UGT1A9: variants seen among roughly 807,000 people sequenced by gnomAD.
UGT1A9 encodes the protein UDP-glucuronosyltransferase 1A9.
UGT1A9 carries 35 observed loss-of-function variants against 45.0 expected under a neutral mutation model. The observed-to-expected ratio is 0.78, with a 90% CI of 0.59 to 1.03. The LOEUF (loss-of-function observed/expected upper bound fraction) is 1.03. Among genes scored for constraint, UGT1A9 ranks in the 50% least tolerant of loss-of-function variants. UGT1A9 has a pLI of 0.00. For synonymous variants in UGT1A9, 278 were observed against 250.6 expected, an observed-to-expected ratio of 1.11 and a Z score of -1.03; for missense variants, 687 against 666.6, an observed-to-expected ratio of 1.03 and a Z score of -0.34.
rs200971960 is a variant in UGT1A9 at position 233,672,198 on chromosome 2, G to A, written c.264G>A (p.Arg88=). 5.0e-6 allele frequency: 8 copies of A among 1,614,126 alleles called. No individual in the cohort carries two copies. Among genetic ancestry groups the A allele is most frequent in the Non-Finnish European group, 6.8e-6 (8 of 1,179,994 alleles). ...CATATACCCTGGAGGATCTGGACCGGGAGTTCAAGGCTTTTGCCCATGCTC... is the reference window on the plus strand; with the variant it reads ...CATATACCCTGGAGGATCTGGACCGAGAGTTCAAGGCTTTTGCCCATGCTC... ...STSYTLEDLD[R]EFKAFAHAQW... The change falls in exon 1 of 5, where the codon CGG becomes CGA. Residue 88 remains arginine (R), a synonymous_variant. Coordinates refer to ENST00000354728, the MANE Select transcript of UGT1A9 (RefSeq NM_021027.3).
At chr2:233,695,523 CT>C (rs563990924) in intron 1 of UGT1A9, among the ~76,000 whole-genome samples, 59 of 151,370 alleles carry the variant, frequency 3.9e-4, no homozygotes, top group African/African-American at 1.4e-3. Flanking sequence ...AATTTTATTT[CT>C]TTTTTCTTTT....
chr2:233,701,424 A>G (rs2075626860), intron 1 of UGT1A9, among the ~76,000 whole-genome samples: 1 of 152,170 alleles, frequency 6.6e-6, no homozygotes, highest in South Asian at 2.1e-4. Context: ...TGTCAACATT[A>G]GACAGATCAA....
chr2:233,729,699 C>A lies in UGT1A9; in HGVS notation c.856-37335C>A, dbSNP rs184386098. On this transcript the variant is annotated intron_variant, in intron 1 of 4. Coordinates refer to ENST00000354728, the MANE Select transcript of UGT1A9 (RefSeq NM_021027.3). Reference sequence around the variant, plus strand: ...AGGGCACACAGTGTCCAAACCCTTCCTCCTATATTCCTAGATTACTAACAA... The same window carrying A: ...AGGGCACACAGTGTCCAAACCCTTCATCCTATATTCCTAGATTACTAACAA... 39 of 1,613,944 alleles carry A rather than the reference C, an allele frequency of 2.4e-5. No homozygotes were observed. The East Asian group carries it at 8.7e-4, about 36-fold the overall frequency.
chr2:233,759,159 A>G (rs1697070842), intron 1 of UGT1A9, among the ~76,000 whole-genome samples: 1 of 152,222 alleles, frequency 6.6e-6, no homozygotes, highest in Admixed American at 6.5e-5. Context: ...CACAGAACAC[A>G]AGGCAGGCAG....
chr2:233,712,586 G>T (rs1354948731), intron 1 of UGT1A9, among the ~76,000 whole-genome samples: 1 of 152,210 alleles, frequency 6.6e-6, no homozygotes, highest in African/African-American at 2.4e-5. Context: ...ATCCAGCAGA[G>T]ACCATATGGT....
At chr2:233,759,500 CTAA>C (rs1055153309) in intron 1 of UGT1A9, among the ~76,000 whole-genome samples, 11 of 152,162 alleles carry the variant, frequency 7.2e-5, no homozygotes, top group Non-Finnish European at 1.6e-4. Flanking sequence ...CAGGTTCACA[CTAA>C]TAAAGGCCTG....
At position 233,719,685 on chromosome 2, in the gene UGT1A9, C is replaced by T. The variant is rs745851656; in HGVS notation, c.855+46896C>T. 4.3e-6 allele frequency: 7 copies of T among 1,613,938 alleles called. No homozygotes were observed. The South Asian group carries it at 6.6e-5, about 15-fold the overall frequency. Reference sequence around the variant, plus strand: ...CTGTGCCAACGGGAAGCCACTATCTCAGGTCTGTATTGGTGCCTTCATCCA... The same window carrying T: ...CTGTGCCAACGGGAAGCCACTATCTTAGGTCTGTATTGGTGCCTTCATCCA... On this transcript the variant is annotated intron_variant, in intron 1 of 4. Transcript: ENST00000354728.
rs1693746524 is a variant in UGT1A9, at chr2:233,747,672, A to G, written c.856-19362A>G. Reference sequence around the variant, plus strand: ...CTTCGATGTGGTTTTAATAGACCCAATTTACCTCTGTGGGGCAGTGCTGGC... The same window carrying G: ...CTTCGATGTGGTTTTAATAGACCCAGTTTACCTCTGTGGGGCAGTGCTGGC... On this transcript the variant is annotated intron_variant, in intron 1 of 4. Transcript: ENST00000354728. 1.4e-5 allele frequency: 22 copies of G among 1,605,362 alleles called. No individual in the cohort carries two copies. The South Asian group carries it at 1.4e-4, about 10-fold the overall frequency.
At chr2:233,719,211 C>A in intron 1 of UGT1A9, 1 of 1,614,194 alleles carries the variant, frequency 6.2e-7, no homozygotes, top group Non-Finnish European at 8.5e-7. Flanking sequence ...TTGTGTGGAG[C>A]TACTGCATAA....
intron 1 of UGT1A9, among the ~76,000 whole-genome samples, chr2:233,715,374 C>CAT (rs35623965): frequency 0.1 from 15,418 of 152,200 alleles, 893 homozygotes; most frequent in East Asian, 0.2. Flanking sequence ...ATTTTCTTCA[C>CAT]AGTTTGCTGT....
chr2:233,751,502 G>T (rs1015716404), intron 1 of UGT1A9, among the ~76,000 whole-genome samples: 2 of 152,208 alleles, frequency 1.3e-5, no homozygotes, highest in South Asian at 2.1e-4. Context: ...AGATTTGGGA[G>T]GGGCCAGAGG....
intron 1 of UGT1A9, among the ~76,000 whole-genome samples, chr2:233,709,057 T>C (rs949719159): frequency 1.3e-5 from 2 of 151,522 alleles, no homozygotes; most frequent in African/African-American, 2.4e-5. Flanking sequence ...CCAGGATTCC[T>C]AGTTAAAGTT....
chr2:233,757,567 T>TATATATATATATATATA (rs1553619947), intron 1 of UGT1A9, among the ~76,000 whole-genome samples: 5 of 142,918 alleles, frequency 3.5e-5, no homozygotes, highest in Non-Finnish European at 7.6e-5. Context: ...TATATGTATA[T>TATATATATATATATATA]ATGATATAGC....
At chr2:233,754,435 G>T (rs1695484691) in intron 1 of UGT1A9, 21 of 350,618 alleles carry the variant, frequency 6.0e-5, no homozygotes, top group South Asian at 4.7e-4. Context: ...GGCATAAAGT[G>T]TTTATAAATT....
intron 1 of UGT1A9, among the ~76,000 whole-genome samples, chr2:233,699,549 C>T (rs540662918): frequency 6.6e-6 from 1 of 152,332 alleles, no homozygotes; most frequent in Non-Finnish European, 1.5e-5. Context: ...ATCATAGAGC[C>T]AGGTCATGGC....
At chr2:233,718,630 C>G (rs2076669479) in intron 1 of UGT1A9, 1 of 1,443,994 alleles carries the variant, frequency 6.9e-7, no homozygotes, top group Non-Finnish European at 9.3e-7. Flanking sequence ...ATTGGTCTTT[C>G]CCAGGGTTGG....
chr2:233,716,286 T>G (rs886776584), intron 1 of UGT1A9, among the ~76,000 whole-genome samples: 1 of 152,132 alleles, frequency 6.6e-6, no homozygotes, highest in African/African-American at 2.4e-5. Flanking sequence ...CTTAATATAA[T>G]CACATCTATA....
chr2:233,747,353 C>A, intron 1 of UGT1A9: 12 of 1,602,858 alleles, frequency 7.5e-6, no homozygotes, highest in Non-Finnish European at 1.0e-5. Flanking sequence ...TGCGGGAGGC[C>A]GTGCGGGAGC....
In UGT1A9 at chr2:233,729,061, T is replaced by C. The variant is rs3806596; in HGVS notation, c.856-37973T>C. On this transcript the variant is annotated intron_variant, in intron 1 of 4. Transcript: ENST00000354728. ...TGGCTCAGTGACAAGGTAATTAAGA[T>C]GAAGAAAGCAAATGTAGCAGGCACA... The C allele has an allele frequency of 0.47, 753,810 of 1,610,256 alleles. 184,343 individuals are homozygous for C. Among genetic ancestry groups the C allele is most frequent in the African/African-American group, 0.83 (61,848 of 74,960 alleles).
Sources: gnomAD v4.1 joint callset for allele counts (sites outside exome capture counted in the v4.1 genomes callset) on GRCh38, gnomAD v4.1.1 for gene constraint, MANE v1.5 for transcripts, NCBI Gene and HGNC (gene_info 2026-07-23, HGNC 2026-07-21) for gene names.